The following NACC2 variants were observed in gnomAD, a reference collection of about 807,000 sequenced individuals.
NACC2 encodes the protein nucleus accumbens-associated protein 2.
Under a neutral mutation model 25.1 loss-of-function variants are expected in NACC2, and 8 were observed. The ratio of observed to expected loss-of-function variants is 0.32; its 90% CI spans 0.19 to 0.57. The LOEUF (loss-of-function observed/expected upper bound fraction) is 0.57, where lower values mean the gene tolerates loss of function less well. NACC2 is among the 20% of genes least tolerant of loss of function. The pLI is 0.89. For missense variants in NACC2, 644 were observed against 650.2 expected (o/e 0.99, Z 0.10); for synonymous variants, 435 against 294.7 (o/e 1.48, Z -4.88).
In NACC2 at chr9:136,068,498, T is replaced by TC. The variant is rs1490033073; in HGVS notation, c.-59-17919dup. On this transcript the variant is annotated intron_variant, in intron 1 of 5. Transcript: ENST00000277554. ...TGGGCAACAAGAGTGAAACTCCGTCTCAAAAAAAAAAAAAAAAAAAGTAAT... is the reference window on the plus strand; with the variant it reads ...TGGGCAACAAGAGTGAAACTCCGTCTCCAAAAAAAAAAAAAAAAAAAGTAAT... Among the ~76,000 whole-genome samples, 168 of 53,174 alleles carry TC rather than the reference T, an allele frequency of 3.2e-3. 1 individual carries two copies. Among genetic ancestry groups the TC allele is most frequent in the Admixed American group, 6.6e-3 (34 of 5,116 alleles). 34.9% of individuals were successfully genotyped at this position (53,174 alleles called of 152,430 possible). A position where few individuals can be genotyped will look rare whatever the true frequency, so the allele number is the denominator to read the frequency against.
rs368665247 is a variant in NACC2 at position 136,018,017 on chromosome 9, G to T, written c.887-1588C>A. On this transcript the variant is annotated intron_variant, in intron 2 of 5. Transcript: ENST00000277554. The surrounding 1 kb of genome is among the most constrained non-coding windows in gnomAD (Gnocchi z 4.4). ...TCAGTGTGATGGGAAGTCCCCCGGT[G>T]GGGGGCGGGGGGCAGCTTGCAGGAC... Among the ~76,000 whole-genome samples the T allele has an allele frequency of 6.6e-6, 1 of 152,188 alleles. No individual in the cohort carries two copies. Among genetic ancestry groups the T allele is most frequent in the Non-Finnish European group, 1.5e-5 (1 of 68,006 alleles).
chr9:136,082,065 G>A (rs1830329817), intron 1 of NACC2, among the ~76,000 whole-genome samples: 1 of 152,204 alleles, frequency 6.6e-6, no homozygotes, highest in African/African-American at 2.4e-5. Flanking sequence ...ACAAAATGGG[G>A]GCACCAGCCA....
In NACC2 at chr9:136,051,876, AAGGAGG is replaced by A. The variant is rs1162435573; in HGVS notation, c.-59-1302_-59-1297del. On this transcript the variant is annotated intron_variant, in intron 1 of 5. Transcript: ENST00000277554. ...GGCGGGGAGGGCGCAGGGAGCCGGC[AAGGAGG>A]AGGAGGAGGAGGAGGAGGAGGAGGA... Among the ~76,000 whole-genome samples, 246 of 132,376 alleles carry A rather than the reference AAGGAGG, an allele frequency of 1.9e-3. 1 individual carries two copies. Among genetic ancestry groups the A allele is most frequent in the Middle Eastern group, 4.0e-3 (1 of 248 alleles). The allele number at this position is 132,376 out of a possible 152,430, so 86.8% of individuals were successfully genotyped here.
chr9:136,067,209 G>A (rs577067372), intron 1 of NACC2, among the ~76,000 whole-genome samples: 5 of 146,296 alleles, frequency 3.4e-5, no homozygotes, highest in African/African-American at 1.0e-4. Flanking sequence ...AGCCAAGATC[G>A]CACCAAGATC....
intron 2 of NACC2, among the ~76,000 whole-genome samples, chr9:136,047,009 C>T (rs1375012113): frequency 1.3e-5 from 2 of 152,152 alleles, no homozygotes; most frequent in South Asian, 2.1e-4. Context: ...CCGGGACCCT[C>T]GGCAATCGCT....
rs370069995 is a variant in NACC2, at chr9:136,011,828, C to G, written c.1452G>C (p.Pro484=). The G allele has an allele frequency of 1.3e-6, 2 of 1,565,470 alleles. No homozygotes were observed. The highest frequency in any genetic ancestry group is 2.7e-5 in the African/African-American group (2 of 73,484). The stretch of plus-strand genomic sequence containing the variant: ...GCTCGAACACCTGTGCCGCGGCAGG[C>G]GGGAACTCGGGGTCGAGGGGCACGC... ...AASVPLDPEF[P]PAAAQVFEQR... is the part of the protein sequence containing the mutation. Residue 484 remains proline, a synonymous_variant, in exon 6 of 6, where the codon CCG becomes CCC. Coordinates refer to ENST00000277554, the MANE Select transcript of NACC2 (RefSeq NM_144653.5).
chr9:136,069,625 T>TA (rs1482298108), intron 1 of NACC2, among the ~76,000 whole-genome samples: 3 of 151,326 alleles, frequency 2.0e-5, no homozygotes, highest in African/African-American at 7.3e-5. Context: ...TAGGTTAAAA[T>TA]AAAAAGAATA....
intron 3 of NACC2, 96 bp downstream of exon 3, chr9:136,016,165 CTGAT>C (rs1347432381): frequency 1.1e-5 from 14 of 1,299,914 alleles, no homozygotes; most frequent in African/African-American, 1.5e-5. Flanking sequence ...TTTTTTTTGA[CTGAT>C]TGGTGATGAG....
intron 1 of NACC2, among the ~76,000 whole-genome samples, chr9:136,052,383 C>T (rs1402713973): frequency 1.3e-5 from 2 of 148,494 alleles, no homozygotes; most frequent in South Asian, 2.1e-4. Context: ...AAACAGTCTG[C>T]AGAGCTGGCA....
chr9:136,079,592 C>T (rs1343782795), intron 1 of NACC2, among the ~76,000 whole-genome samples: 8 of 152,194 alleles, frequency 5.3e-5, no homozygotes, highest in Admixed American at 3.9e-4. Context: ...GGAAAGGCCA[C>T]TTGGCCCTCA....
chr9:136,025,462 A>T (rs1840374041), intron 2 of NACC2, among the ~76,000 whole-genome samples: 1 of 152,192 alleles, frequency 6.6e-6, no homozygotes, highest in Non-Finnish European at 1.5e-5. Flanking sequence ...AAACAACAAA[A>T]CAAAACCAAC....
intron 1 of NACC2, among the ~76,000 whole-genome samples, chr9:136,059,893 G>C (rs949839794): frequency 1.3e-5 from 2 of 152,132 alleles, no homozygotes; most frequent in African/African-American, 4.8e-5. Flanking sequence ...TAACTCAATT[G>C]CAGCCAAGAC....
intron 2 of NACC2, among the ~76,000 whole-genome samples, chr9:136,047,929 C>T (rs1266975335): frequency 6.6e-6 from 1 of 152,212 alleles, no homozygotes; most frequent in Non-Finnish European, 1.5e-5. Flanking sequence ...CCCATCACCC[C>T]AAACACACCA....
intron 1 of NACC2, among the ~76,000 whole-genome samples, chr9:136,051,984 C>A (rs375345873): frequency 4.6e-5 from 7 of 152,080 alleles, no homozygotes; most frequent in East Asian, 1.9e-4. Context: ...CTCAGCTGCA[C>A]CCAGGCCGGC....
At chr9:136,076,631 G>C (rs1324959315) in intron 1 of NACC2, among the ~76,000 whole-genome samples, 1 of 152,182 alleles carries the variant, frequency 6.6e-6, no homozygotes, top group Non-Finnish European at 1.5e-5. Context: ...ACAGCCATGG[G>C]AATGTTCTTA....
chr9:136,024,731 T>G (rs531163018), intron 2 of NACC2, among the ~76,000 whole-genome samples: 26 of 152,322 alleles, frequency 1.7e-4, no homozygotes, highest in African/African-American at 6.0e-4. Flanking sequence ...ACTGTGGATA[T>G]GAGGGAGCAG....
chr9:136,080,877 C>T (rs1179817606), intron 1 of NACC2, among the ~76,000 whole-genome samples: 2 of 152,202 alleles, frequency 1.3e-5, no homozygotes, highest in African/African-American at 4.8e-5. Flanking sequence ...AGGCCCCCAG[C>T]AGAGCCGCCC....
intron 2 of NACC2, among the ~76,000 whole-genome samples, chr9:136,030,358 C>T (rs1415879799): frequency 6.6e-6 from 1 of 152,000 alleles, no homozygotes; most frequent in Admixed American, 6.5e-5. Flanking sequence ...GCCTGTAATC[C>T]CAGCACTTTG....
At position 136,008,900 on chromosome 9, in the gene NACC2, TTAAG is replaced by T. The variant is rs934337557; in HGVS notation, c.*2612_*2615del. 1.3e-5 allele frequency: 2 copies of T among 152,260 alleles called. No homozygotes were observed. The highest frequency in any genetic ancestry group is 2.1e-4 in the South Asian group (1 of 4,838). The allele number at this position is 152,260 out of a possible 1,614,324, so 9.4% of individuals were successfully genotyped here. A position where few individuals can be genotyped will look rare whatever the true frequency, so the allele number is the denominator to read the frequency against. On this transcript the variant is annotated 3_prime_UTR_variant, in exon 6 of 6. Transcript: ENST00000277554. Reference sequence around the variant, plus strand: ...CCCATTCACATTAAATTATTATTATTTAAGTTTTATCTATAGCTCTTGCCTTCCT... The same window carrying T: ...CCCATTCACATTAAATTATTATTATTTTTTATCTATAGCTCTTGCCTTCCT...
Sources: allele counts gnomAD v4.1 joint callset (sites outside exome capture counted in the v4.1 genomes callset), GRCh38; gene constraint gnomAD v4.1.1; non-coding constraint Gnocchi (gnomAD v3.1); transcripts MANE v1.5; gene names NCBI Gene and HGNC (gene_info 2026-07-23, HGNC 2026-07-21).